SLIT3: variants seen among roughly 807,000 people sequenced by gnomAD.
The protein encoded by SLIT3 is slit guidance ligand 3, also known as slit homolog 3 protein.
SLIT3 carries 68 observed loss-of-function variants against 184.0 expected under a neutral mutation model. That is an observed-to-expected ratio of 0.37 (90% CI 0.30 to 0.45). The LOEUF is 0.45. Ranked by LOEUF, SLIT3 falls within the 20% of genes least tolerant of loss-of-function variation. SLIT3 has a pLI of 1.00. For missense variants in SLIT3, 1,707 were observed against 2,026.0 expected, an observed-to-expected ratio of 0.84 and a Z score of 3.02; for synonymous variants, 831 against 828.6, an observed-to-expected ratio of 1.00 and a Z score of -0.05.
intron 5 of SLIT3, among the ~76,000 whole-genome samples, chr5:168,860,799 G>A (rs2113747097): frequency 6.6e-6 from 1 of 152,284 alleles, no homozygotes; most frequent in South Asian, 2.1e-4. Flanking sequence ...TTCTTAAGCT[G>A]TTTCCCCTGC....
At chr5:169,114,598 G>A (rs189434748) in intron 4 of SLIT3, among the ~76,000 whole-genome samples, 130 of 152,322 alleles carry the variant, frequency 8.5e-4, no homozygotes, top group South Asian at 2.1e-3. Flanking sequence ...GGGTGTCCTG[G>A]TGTGACATTG....
intron 27 of SLIT3, among the ~76,000 whole-genome samples, chr5:168,699,245 G>A (rs565134044): frequency 6.6e-6 from 1 of 152,356 alleles, no homozygotes; most frequent in South Asian, 2.1e-4. Flanking sequence ...GGGCGGGCGG[G>A]TTCCCGGGGG....
chr5:169,007,132 C>A (rs1755965373), intron 4 of SLIT3, among the ~76,000 whole-genome samples: 1 of 152,110 alleles, frequency 6.6e-6, no homozygotes, highest in Non-Finnish European at 1.5e-5. Flanking sequence ...GGGCAGTTTC[C>A]CCTGCTCTTC....
intron 6 of SLIT3, among the ~76,000 whole-genome samples, chr5:168,842,167 T>C (rs1758276840): frequency 6.6e-6 from 1 of 152,188 alleles, no homozygotes; most frequent in South Asian, 2.1e-4. Flanking sequence ...TCCAGCCAAG[T>C]TCAGAATGGC....
chr5:169,247,609 C>T (rs768439886), intron 2 of SLIT3, among the ~76,000 whole-genome samples: 14 of 152,094 alleles, frequency 9.2e-5, no homozygotes, highest in Admixed American at 7.9e-4. Context: ...TGAGATACAC[C>T]GTTTCCACCT....
rs577980327 is a variant in SLIT3, at chr5:168,834,908, C to A, written c.557+9676G>T. ...TGCCCTGTCCAGACAGGGTACCCAC[C>A]CACACTTCGCTCCCAGCTTGCACCG... On this transcript the variant is annotated intron_variant, in intron 6 of 35. Coordinates refer to ENST00000519560, the MANE Select transcript of SLIT3 (RefSeq NM_003062.4). Among the ~76,000 whole-genome samples the A allele has an allele frequency of 8.5e-5, 13 of 152,082 alleles. No homozygotes were observed. The South Asian group carries it at 1.5e-3, about 17-fold the overall frequency.
At chr5:168,985,082 C>G (rs1163088648) in intron 4 of SLIT3, among the ~76,000 whole-genome samples, 2 of 152,222 alleles carry the variant, frequency 1.3e-5, no homozygotes, top group African/African-American at 4.8e-5. Flanking sequence ...TGACCCCCAA[C>G]TGTGTTCTCT....
At chr5:168,874,671 T>A (rs186056175) in intron 5 of SLIT3, among the ~76,000 whole-genome samples, 14 of 152,330 alleles carry the variant, frequency 9.2e-5, no homozygotes, top group African/African-American at 2.9e-4. Flanking sequence ...CAACTTCCAA[T>A]CCCAGGCAGA....
chr5:169,138,398 T>C (rs1761600298), intron 4 of SLIT3, among the ~76,000 whole-genome samples: 1 of 152,134 alleles, frequency 6.6e-6, no homozygotes. Context: ...AAGGCTAGAC[T>C]TTTCCTGCAG....
chr5:168,793,975 G>T (rs1756476335), intron 10 of SLIT3, among the ~76,000 whole-genome samples: 1 of 152,200 alleles, frequency 6.6e-6, no homozygotes, highest in Non-Finnish European at 1.5e-5. Context: ...TTCCACTTCT[G>T]GAATTGCACC....
At chr5:169,234,248 G>A (rs922214667) in intron 3 of SLIT3, among the ~76,000 whole-genome samples, 2 of 152,176 alleles carry the variant, frequency 1.3e-5, no homozygotes, top group South Asian at 4.1e-4. Flanking sequence ...TAGGGAAAGA[G>A]TACAAGTATG....
chr5:169,158,624 G>A (rs1762382251), intron 4 of SLIT3, among the ~76,000 whole-genome samples: 1 of 152,106 alleles, frequency 6.6e-6, no homozygotes, highest in Non-Finnish European at 1.5e-5. Flanking sequence ...TATAACTACT[G>A]TCTGGTGTGG....
chr5:169,005,962 A>T (rs1755909323), intron 4 of SLIT3, among the ~76,000 whole-genome samples: 1 of 152,252 alleles, frequency 6.6e-6, no homozygotes, highest in Non-Finnish European at 1.5e-5. Context: ...CCCATAGAAA[A>T]TTCAACAGGT....
At chr5:168,884,549 G>GAGATATATATATATAT (rs1260481453) in intron 4 of SLIT3, among the ~76,000 whole-genome samples, 2 of 41,138 alleles carry the variant, frequency 4.9e-5, no homozygotes, top group African/African-American at 2.2e-4. Context: ...CCAATTACGA[G>GAGATATATATATATAT]ATATATATAT....
At chr5:169,031,726 C>T (rs573570803) in intron 4 of SLIT3, among the ~76,000 whole-genome samples, 1 of 152,300 alleles carries the variant, frequency 6.6e-6, no homozygotes, top group South Asian at 2.1e-4. Context: ...AATTCATACA[C>T]AGCAAGTTGG....
Position 168,865,375 on chromosome 5 carries a change from T to C in SLIT3, c.485+17890A>G, listed in dbSNP as rs141085984. Among the ~76,000 whole-genome samples, 307 of 151,726 alleles carry C rather than the reference T, an allele frequency of 2.0e-3. 1 individual carries two copies. The highest frequency in any genetic ancestry group is 7.1e-3 in the African/African-American group (295 of 41,338). On this transcript the variant is annotated intron_variant, in intron 5 of 35. Transcript: ENST00000519560. ...AGGGGAATGGATTGACACACTGAAG[T>C]ATACCCATACTCTGGAATACTACTC...
chr5:168,850,005 A>C (rs1758613819), intron 5 of SLIT3, among the ~76,000 whole-genome samples: 2 of 152,198 alleles, frequency 1.3e-5, no homozygotes, highest in African/African-American at 4.8e-5. Flanking sequence ...TTAACATTCT[A>C]AAAAATCATT....
chr5:169,142,614 C>T (rs565525052), intron 4 of SLIT3, among the ~76,000 whole-genome samples: 1 of 152,334 alleles, frequency 6.6e-6, no homozygotes, highest in Non-Finnish European at 1.5e-5. Context: ...GCATGGCTGG[C>T]CAAGCTGGGT....
At position 168,681,331 on chromosome 5, in the gene SLIT3, G is replaced by A. The variant is rs143471901; in HGVS notation, c.3686+2635C>T. Among the ~76,000 whole-genome samples, 574 of 152,322 alleles carry A rather than the reference G, an allele frequency of 3.8e-3. 4 individuals carry two copies. The highest frequency in any genetic ancestry group is 0.013 in the African/African-American group (531 of 41,562). On this transcript the variant is annotated intron_variant, in intron 32 of 35. Transcript: ENST00000519560. Reference sequence around the variant, plus strand: ...GCCCCTGCACCTAGCCCAGGGTCTGGCCCAAACATGGGGCCTGGTAGATGT... The same window carrying A: ...GCCCCTGCACCTAGCCCAGGGTCTGACCCAAACATGGGGCCTGGTAGATGT...
Sources: gnomAD v4.1 joint callset for allele counts (sites outside exome capture counted in the v4.1 genomes callset) on GRCh38, gnomAD v4.1.1 for gene constraint, MANE v1.5 for transcripts, NCBI Gene and HGNC (gene_info 2026-07-23, HGNC 2026-07-21) for gene names.